The following GRIK2 variants were observed in gnomAD, a reference collection of about 807,000 sequenced individuals.
GRIK2 encodes the protein glutamate receptor ionotropic, kainate 2.
A neutral mutation model predicts 100.3 loss-of-function variants in GRIK2; 32 were observed. The observed-to-expected ratio is 0.32, with a 90% CI of 0.24 to 0.43. GRIK2 has a LOEUF of 0.43. Among genes scored for constraint, GRIK2 ranks in the 20% least tolerant of loss-of-function variants. GRIK2 has a pLI of 1.00. For missense variants in GRIK2, 843 were observed against 1,114.9 expected (o/e 0.76, Z 3.47); for synonymous variants, 417 against 389.4 (o/e 1.07, Z -0.83).
chr6:101,735,562 T>C (rs1377963588), intron 7 of GRIK2, among the ~76,000 whole-genome samples: 1 of 152,156 alleles, frequency 6.6e-6, no homozygotes, highest in Non-Finnish European at 1.5e-5. Flanking sequence ...AGAGAGCTTG[T>C]GTAGGGAAAC....
intron 11 of GRIK2, among the ~76,000 whole-genome samples, chr6:101,887,067 A>T (rs1786698012): frequency 6.6e-6 from 1 of 151,736 alleles, no homozygotes; most frequent in East Asian, 1.9e-4. Flanking sequence ...TGACCTCATG[A>T]TCAGCTCACC....
intron 14 of GRIK2, among the ~76,000 whole-genome samples, chr6:101,973,491 C>A (rs191268422): frequency 1.3e-5 from 2 of 152,026 alleles, no homozygotes; most frequent in Admixed American, 1.3e-4. Context: ...AAGATTCTCA[C>A]TACCATAACC....
At chr6:101,766,650 CCTCTGAAGTTGAGCTTCCTACTCACAA>C (rs1392475085) in intron 7 of GRIK2, among the ~76,000 whole-genome samples, 3 of 152,040 alleles carry the variant, frequency 2.0e-5, no homozygotes, top group African/African-American at 7.2e-5. Flanking sequence ...GGAGTGTTGT[CCTCTGAAGTTGAGCTTCCTACTCACAA>C]CTCTGCTCAA....
At chr6:101,624,607 G>A (rs1485267824) in intron 3 of GRIK2, among the ~76,000 whole-genome samples, 1 of 152,074 alleles carries the variant, frequency 6.6e-6, no homozygotes. Context: ...TATCCATTTT[G>A]GAGGAATTGA....
intron 14 of GRIK2, among the ~76,000 whole-genome samples, chr6:101,996,039 C>T (rs1275754593): frequency 3.3e-5 from 5 of 151,988 alleles, no homozygotes; most frequent in African/African-American, 1.2e-4. Context: ...AAAAATCCAC[C>T]GTGAGCTTGC....
chr6:101,467,809 A>T (rs140266180), intron 2 of GRIK2, among the ~76,000 whole-genome samples: 2 of 152,026 alleles, frequency 1.3e-5, no homozygotes, highest in African/African-American at 4.8e-5. Context: ...CACATATAGA[A>T]CCTCTATAAT....
At chr6:101,417,516 ATTTGTC>A (rs1776209691) in intron 2 of GRIK2, among the ~76,000 whole-genome samples, 1 of 152,096 alleles carries the variant, frequency 6.6e-6, no homozygotes, top group South Asian at 2.1e-4. Flanking sequence ...AGTCAATCAG[ATTTGTC>A]TTTAACACAT....
intron 14 of GRIK2, among the ~76,000 whole-genome samples, chr6:101,968,993 A>T (rs1792871962): frequency 6.6e-6 from 1 of 152,050 alleles, no homozygotes; most frequent in African/African-American, 2.4e-5. Context: ...AAGACTCATG[A>T]CAATAAATTT....
chr6:102,001,188 T>TA (rs202006598), intron 14 of GRIK2, among the ~76,000 whole-genome samples: 11 of 143,818 alleles, frequency 7.6e-5, no homozygotes, highest in African/African-American at 2.8e-4. Flanking sequence ...CTTCTTTATT[T>TA]TTTTTTTTTT....
At chr6:101,434,228 G>A (rs1435015424) in intron 2 of GRIK2, among the ~76,000 whole-genome samples, 1 of 152,208 alleles carries the variant, frequency 6.6e-6, no homozygotes, top group African/African-American at 2.4e-5. Context: ...TGGAGGTGAG[G>A]AAGAGAGGAT....
At chr6:101,612,465 T>G (rs1241055628) in intron 2 of GRIK2, among the ~76,000 whole-genome samples, 2 of 151,892 alleles carry the variant, frequency 1.3e-5, no homozygotes, top group Non-Finnish European at 2.9e-5. Context: ...CAATAAATGT[T>G]GACTGTTAGG....
chr6:101,896,827 G>A (rs994716337), intron 12 of GRIK2, among the ~76,000 whole-genome samples: 1 of 151,678 alleles, frequency 6.6e-6, no homozygotes, highest in Non-Finnish European at 1.5e-5. Flanking sequence ...ATAATGTCTA[G>A]CTCAGTAAAT....
At chr6:101,687,875 T>G (rs1294738268) in intron 7 of GRIK2, among the ~76,000 whole-genome samples, 2 of 151,444 alleles carry the variant, frequency 1.3e-5, no homozygotes, top group Non-Finnish European at 3.0e-5. Context: ...TTAAAATATT[T>G]TCCTTCAAAG....
chr6:101,900,711 A>G, intron 12 of GRIK2, among the ~76,000 whole-genome samples: 1 of 152,070 alleles, frequency 6.6e-6, no homozygotes, highest in Non-Finnish European at 1.5e-5. Flanking sequence ...TATAAAAATT[A>G]TTTTTATAGG....
At chr6:101,941,762 T>C (rs1436465685) in intron 14 of GRIK2, among the ~76,000 whole-genome samples, 1 of 152,122 alleles carries the variant, frequency 6.6e-6, no homozygotes, top group Non-Finnish European at 1.5e-5. Context: ...CTTTAATTAA[T>C]CAACTAAAAA....
rs750317078 is a variant in GRIK2 at position 101,537,676 on chromosome 6, T to G, written c.116-84273T>G. Reference sequence around the variant, plus strand: ...TGAACTTATGAGAACTATCAATAGTTTCTCTAGTTTTCTATTTAATTGAAG... The same window carrying G: ...TGAACTTATGAGAACTATCAATAGTGTCTCTAGTTTTCTATTTAATTGAAG... On this transcript the variant is annotated intron_variant, in intron 2 of 16. Transcript: ENST00000369134. Among the ~76,000 whole-genome samples the G allele has an allele frequency of 2.0e-5, 3 of 151,774 alleles. 1 individual carries two copies. The highest frequency in any genetic ancestry group is 4.4e-5 in the Non-Finnish European group (3 of 67,830).
At chr6:101,477,048 C>T (rs981280263) in intron 2 of GRIK2, among the ~76,000 whole-genome samples, 5 of 152,106 alleles carry the variant, frequency 3.3e-5, no homozygotes, top group African/African-American at 9.7e-5. Context: ...AACTCTCTAT[C>T]GCCTAAAGTA....
chr6:101,645,131 G>T (rs1356947013), intron 4 of GRIK2, among the ~76,000 whole-genome samples: 1 of 150,728 alleles, frequency 6.6e-6, no homozygotes, highest in Admixed American at 6.6e-5. Flanking sequence ...ACATAATAAT[G>T]GCTGTAGAAA....
chr6:101,568,045 A>C (rs1179252037), intron 2 of GRIK2, among the ~76,000 whole-genome samples: 1 of 152,048 alleles, frequency 6.6e-6, no homozygotes, highest in Non-Finnish European at 1.5e-5. Flanking sequence ...TTGTAAAAAT[A>C]ATCTTGGGAG....
Sources: allele counts gnomAD v4.1 joint callset (sites outside exome capture counted in the v4.1 genomes callset), GRCh38; gene constraint gnomAD v4.1.1; transcripts MANE v1.5; gene names NCBI Gene and HGNC (gene_info 2026-07-23, HGNC 2026-07-21).